The following ACACA variants were observed in gnomAD, a reference collection of about 807,000 sequenced individuals.
The protein encoded by ACACA is acetyl-CoA carboxylase alpha.
In ACACA, 103 loss-of-function variants were observed where a neutral mutation model predicts 296.1. The ratio of observed to expected loss-of-function variants is 0.35; its 90% CI spans 0.30 to 0.41. The LOEUF is 0.41. Ranked by LOEUF, ACACA falls within the 10% of genes least tolerant of loss-of-function variation. The pLI is 1.00. For missense variants in ACACA, 1,554 were observed against 2,989.7 expected (o/e 0.52, Z 11.20); for synonymous variants, 953 against 1,038.6 (o/e 0.92, Z 1.58).
chr17:37,348,848 CTGAGG>C (rs2048750871), intron 1 of ACACA, among the ~76,000 whole-genome samples: 1 of 150,572 alleles, frequency 6.6e-6, no homozygotes, highest in Non-Finnish European at 1.5e-5. Context: ...ACTCAGGAGG[CTGAGG>C]CAGGAGAATG....
intron 41 of ACACA, among the ~76,000 whole-genome samples, chr17:37,163,905 G>T (rs903876596): frequency 6.6e-6 from 1 of 152,020 alleles, no homozygotes; most frequent in Admixed American, 6.5e-5. Context: ...TTCTATATGA[G>T]AACTAGTCAA....
intron 10 of ACACA, among the ~76,000 whole-genome samples, chr17:37,266,515 AAT>A: frequency 6.6e-6 from 1 of 151,764 alleles, no homozygotes; most frequent in Non-Finnish European, 1.5e-5. Context: ...CTGAAAGGGT[AAT>A]TTATTAGCTA....
intron 3 of ACACA, among the ~76,000 whole-genome samples, chr17:37,321,249 C>T (rs1477981579): frequency 6.6e-6 from 1 of 152,172 alleles, no homozygotes; most frequent in East Asian, 1.9e-4. Flanking sequence ...GAAAGTCAAT[C>T]CCAGATCCTC....
At chr17:37,230,683 T>A (rs778459183) in intron 25 of ACACA, among the ~76,000 whole-genome samples, 3 of 152,170 alleles carry the variant, frequency 2.0e-5, no homozygotes, top group Admixed American at 2.0e-4. Flanking sequence ...CCAACTAACA[T>A]CCAACAGGAA....
At chr17:37,339,436 A>T (rs572896939) in intron 2 of ACACA, among the ~76,000 whole-genome samples, 2 of 152,344 alleles carry the variant, frequency 1.3e-5, no homozygotes, top group Admixed American at 6.5e-5. Flanking sequence ...CATAGATTGG[A>T]GGCAACTCAG....
At chr17:37,359,121 G>C (rs1245407987) in intron 1 of ACACA, 6 of 985,508 alleles carry the variant, frequency 6.1e-6, no homozygotes, top group Non-Finnish European at 7.2e-6. Flanking sequence ...AGGCCGGCCC[G>C]GCACACGGAG....
At chr17:37,351,200 G>A (rs539720939) in intron 1 of ACACA, among the ~76,000 whole-genome samples, 2 of 152,054 alleles carry the variant, frequency 1.3e-5, no homozygotes, top group South Asian at 2.1e-4. Flanking sequence ...GGTGGCTCAC[G>A]CCTGTAATCC....
At position 37,131,219 on chromosome 17, in the gene ACACA, T is replaced by C. The variant is rs117609880; in HGVS notation, c.5680-1001A>G. On this transcript the variant is annotated intron_variant, in intron 45 of 55. Coordinates refer to ENST00000616317, the MANE Select transcript of ACACA (RefSeq NM_198834.3). The stretch of plus-strand genomic sequence containing the variant: ...TTGTAAGGTCAAAGGGCACCTGCAA[T>C]TGGAAACCACAAAGTTTCCTTTAAA... Among the ~76,000 whole-genome samples the C allele has an allele frequency of 8.4e-3, 1,283 of 152,148 alleles. 13 individuals are homozygous for C. Among genetic ancestry groups the C allele is most frequent in the Non-Finnish European group, 0.013 (917 of 67,988 alleles).
intron 1 of ACACA, among the ~76,000 whole-genome samples, chr17:37,393,163 A>G (rs567964578): frequency 4.5e-4 from 68 of 151,944 alleles, no homozygotes; most frequent in African/African-American, 1.6e-3. Context: ...AAAAAGAAAA[A>G]AAAAAGAACC....
intron 3 of ACACA, among the ~76,000 whole-genome samples, chr17:37,314,351 A>C (rs1166086268): frequency 1.3e-5 from 2 of 151,984 alleles, no homozygotes; most frequent in Non-Finnish European, 2.9e-5. Context: ...CGCCCGCCTC[A>C]GCCTCCCAAA....
At chr17:37,326,096 C>A (rs2047607402) in intron 3 of ACACA, among the ~76,000 whole-genome samples, 1 of 151,516 alleles carries the variant, frequency 6.6e-6, no homozygotes, top group Middle Eastern at 3.4e-3. Context: ...CCAGTACTAG[C>A]TGCTCAGGAG....
chr17:37,284,514 C>G (rs542598952), intron 4 of ACACA, among the ~76,000 whole-genome samples: 83 of 152,284 alleles, frequency 5.5e-4, no homozygotes, highest in Admixed American at 2.2e-3. Flanking sequence ...CAATCCATAG[C>G]TCACTGCAAC....
intron 7 of ACACA, 122 bp downstream of exon 7, chr17:37,276,911 G>T: frequency 1.2e-6 from 1 of 864,776 alleles, no homozygotes. Context: ...AATAGATTGA[G>T]GGAAAAAAAA....
chr17:37,338,835 G>A (rs1303785528), intron 2 of ACACA, among the ~76,000 whole-genome samples: 2 of 151,990 alleles, frequency 1.3e-5, no homozygotes, highest in Non-Finnish European at 2.9e-5. Context: ...AGCTACTTGG[G>A]AGGCTGAGGC....
In ACACA at chr17:37,314,950, CTTTTTTT is replaced by C. The variant is rs71284913; in HGVS notation, c.338+15216_338+15222del. Among the ~76,000 whole-genome samples, 4 of 60,826 alleles carry C rather than the reference CTTTTTTT, an allele frequency of 6.6e-5. No individual in the cohort carries two copies. The East Asian group carries it at 1.5e-3, about 23-fold the overall frequency. 39.9% of individuals were successfully genotyped at this position (60,826 alleles called of 152,430 possible). A position where few individuals can be genotyped will look rare whatever the true frequency, so the allele number is the denominator to read the frequency against. ...GAGCTACCGCACCCGGCCAGGAATG[CTTTTTTT>C]TTTTTTTTTTTTTTTTTTGAGATGG... On this transcript the variant is annotated intron_variant, in intron 3 of 55. Transcript: ENST00000616317.
At chr17:37,306,410 C>A (rs945367278) in intron 3 of ACACA, among the ~76,000 whole-genome samples, 9 of 151,996 alleles carry the variant, frequency 5.9e-5, no homozygotes, top group African/African-American at 9.7e-5. Flanking sequence ...TAACTTCATA[C>A]AATGAAGTGG....
chr17:37,188,690 T>A (rs1007927581), intron 38 of ACACA, among the ~76,000 whole-genome samples: 1 of 152,210 alleles, frequency 6.6e-6, no homozygotes, highest in Non-Finnish European at 1.5e-5. Flanking sequence ...GCCTGGCATT[T>A]GAGTGGTTTT....
chr17:37,123,830 A>G (rs1405997799), intron 48 of ACACA, among the ~76,000 whole-genome samples: 1 of 152,222 alleles, frequency 6.6e-6, no homozygotes, highest in Non-Finnish European at 1.5e-5. Context: ...GCCACCCTAA[A>G]TCGGTAACTT....
At chr17:37,252,781 G>A in intron 15 of ACACA, 105 bp downstream of exon 15, 1 of 1,486,754 alleles carries the variant, frequency 6.7e-7, no homozygotes, top group Non-Finnish European at 9.3e-7. Context: ...GGTAGATCAA[G>A]AACCATTTAC....
Sources: gnomAD v4.1 joint callset for allele counts (sites outside exome capture counted in the v4.1 genomes callset) on GRCh38, gnomAD v4.1.1 for gene constraint, MANE v1.5 for transcripts, NCBI Gene and HGNC (gene_info 2026-07-23, HGNC 2026-07-21) for gene names.